CNDP2: variants seen among roughly 807,000 people sequenced by gnomAD.
The protein encoded by CNDP2 is cytosolic non-specific dipeptidase.
A neutral mutation model predicts 55.0 loss-of-function variants in CNDP2; 38 were observed. That is an observed-to-expected ratio of 0.69 (90% CI 0.53 to 0.90). The LOEUF is 0.90. Among genes scored for constraint, CNDP2 ranks in the 40% least tolerant of loss-of-function variants. The pLI, the probability that CNDP2 is intolerant of heterozygous loss-of-function variation, is 0.00. For synonymous variants in CNDP2, 241 were observed against 260.2 expected (o/e 0.93, Z 0.71); for missense variants, 607 against 621.7 (o/e 0.98, Z 0.25).
intron 1 of CNDP2, among the ~76,000 whole-genome samples, chr18:74,498,732 C>G (rs1374621937): frequency 6.6e-6 from 1 of 152,168 alleles, no homozygotes; most frequent in African/African-American, 2.4e-5. Context: ...TGCTCATGGG[C>G]TCCATCTTAC....
intron 4 of CNDP2, among the ~76,000 whole-genome samples, chr18:74,506,743 T>G (rs1322458741): frequency 6.6e-6 from 1 of 152,216 alleles, no homozygotes; most frequent in African/African-American, 2.4e-5. Flanking sequence ...ATTCACCAAG[T>G]GCTTCCGTGG....
In CNDP2 at chr18:74,518,637, A is replaced by G. The variant is rs147167524; in HGVS notation, c.1207A>G (p.Thr403Ala). 2.3e-4 allele frequency: 365 copies of G among 1,614,092 alleles called. 1 individual carries two copies. The highest frequency in any genetic ancestry group is 5.0e-4 in the Admixed American group (30 of 60,030). Residue 403 changes from threonine to alanine, a missense_variant, in exon 10 of 12, where the codon ACA (threonine) becomes GCA (alanine). Thr to Ala is a moderately conservative substitution (Grantham distance 58, BLOSUM62 0). Transcript: ENST00000324262. ...HYLAGRRAMK[T>A]VFGVEPDLTR... ...CCTGGCTGGGAGAAGAGCCATGAAGACAGGTTGGACGCTCTCCTTGTGGAT... is the reference window on the plus strand; with the variant it reads ...CCTGGCTGGGAGAAGAGCCATGAAGGCAGGTTGGACGCTCTCCTTGTGGAT...
intron 5 of CNDP2, chr18:74,509,184 C>T (rs184090449): frequency 3.4e-5 from 16 of 471,610 alleles, no homozygotes; most frequent in Non-Finnish European, 5.8e-5. Context: ...ATTTTTGCCA[C>T]CGCATGAAAT....
rs1422384674 is a variant in CNDP2 at position 74,519,876 on chromosome 18, G to A, written c.1359-123G>A. ...GGCAAGCAGGGCTCAGGGCCCCCAAGCTGGGATGGGGGATGCTCCCCAGGA... is the reference window on the plus strand; with the variant it reads ...GGCAAGCAGGGCTCAGGGCCCCCAAACTGGGATGGGGGATGCTCCCCAGGA... On this transcript the variant is annotated intron_variant, in intron 11 of 11. Coordinates refer to ENST00000324262, the MANE Select transcript of CNDP2 (RefSeq NM_018235.3). The A allele has an allele frequency of 4.9e-6, 4 of 810,818 alleles. No homozygotes were observed. The Admixed American group carries it at 7.1e-5, about 14-fold the overall frequency. 50.2% of individuals were successfully genotyped at this position (810,818 alleles called of 1,614,324 possible).
intron 7 of CNDP2, among the ~76,000 whole-genome samples, chr18:74,512,920 T>TC (rs1352665256): frequency 6.6e-6 from 1 of 152,126 alleles, no homozygotes; most frequent in Non-Finnish European, 1.5e-5. Flanking sequence ...CCCATCCAGG[T>TC]CCCCCCGCCT....
rs370820197 is a variant in CNDP2, at chr18:74,511,021, G to T, written c.657+8G>T. The T allele has an allele frequency of 2.6e-5, 42 of 1,610,738 alleles. No homozygotes were observed. Among genetic ancestry groups the T allele is most frequent in the Admixed American group, 3.3e-5 (2 of 59,906 alleles). ...TGCTACTTTTTCATCGAGGTACAGT[G>T]CCAAGCTGTACGGGTCACTTCTTTC... On this transcript the variant is annotated splice_region_variant and intron_variant, in intron 6 of 11. Coordinates refer to ENST00000324262, the MANE Select transcript of CNDP2 (RefSeq NM_018235.3).
intron 11 of CNDP2, 79 bp downstream of exon 11, chr18:74,519,175 A>C (rs780079869): frequency 1.0e-4 from 155 of 1,493,392 alleles, no homozygotes; most frequent in Non-Finnish European, 1.3e-4. Flanking sequence ...CCCCGTGTGC[A>C]GCTGCCAAGA....
intron 8 of CNDP2, 150 bp downstream of exon 8, chr18:74,513,869 T>C: frequency 1.3e-6 from 1 of 756,042 alleles, no homozygotes. Flanking sequence ...AAGCAGACTG[T>C]GACCAGGTTG....
Position 74,522,541 on chromosome 18 carries a change from C to T in CNDP2, c.*2473C>T, listed in dbSNP as rs1002903354. 5.3e-5 allele frequency: 8 copies of T among 152,274 alleles called. No homozygotes were observed. The highest frequency in any genetic ancestry group is 2.0e-4 in the Admixed American group (3 of 15,288). 9.4% of individuals were successfully genotyped at this position (152,274 alleles called of 1,614,324 possible). ...AGAGGCAGGGCCTTCAAGAGCTGGT[C>T]AGGCCATGAGGGCCCTGTCCTCCTG... is the stretch of plus-strand genomic sequence containing the variant. On this transcript the variant is annotated 3_prime_UTR_variant, in exon 12 of 12. Coordinates refer to ENST00000324262, the MANE Select transcript of CNDP2 (RefSeq NM_018235.3).
At chr18:74,500,136 G>A in intron 2 of CNDP2, 103 bp downstream of exon 2, 1 of 961,902 alleles carries the variant, frequency 1.0e-6, no homozygotes. Context: ...TTAAATCCAG[G>A]GTTAGAAGAT....
chr18:74,512,689 G>A (rs1979421506), intron 7 of CNDP2, among the ~76,000 whole-genome samples, 157 bp downstream of exon 7: 1 of 152,002 alleles, frequency 6.6e-6, no homozygotes, highest in Admixed American at 6.5e-5. Context: ...CCACTCACTT[G>A]TCCCTCTGAG....
chr18:74,502,756 A>G lies in CNDP2; in HGVS notation c.204+1284A>G, dbSNP rs968786290. Among the ~76,000 whole-genome samples, 4 of 152,134 alleles carry G rather than the reference A, an allele frequency of 2.6e-5. No homozygotes were observed. The East Asian group carries it at 7.7e-4, about 29-fold the overall frequency. Reference sequence around the variant, plus strand: ...CTTTGGCCTGATGATTTGGGTGTCAATCTGAAATCACAGCACTAGAAGCTT... The same window carrying G: ...CTTTGGCCTGATGATTTGGGTGTCAGTCTGAAATCACAGCACTAGAAGCTT... On this transcript the variant is annotated intron_variant, in intron 3 of 11. Transcript: ENST00000324262.
Position 74,501,322 on chromosome 18 carries a change from C to T in CNDP2, c.61-7C>T. 1 of 1,611,548 alleles carries T rather than the reference C, an allele frequency of 6.2e-7. No homozygotes were observed. The highest frequency in any genetic ancestry group is 2.2e-5 in the East Asian group (1 of 44,834). On this transcript the variant is annotated splice_polypyrimidine_tract_variant and splice_region_variant and intron_variant, in intron 2 of 11. Transcript: ENST00000324262. ...AGAATCCCTCGTTGCTTCTTGTCCA[C>T]AAACAGAAACTCGCAAAATGGGTGG...
chr18:74,501,403 G>A lies in CNDP2; in HGVS notation c.135G>A (p.Met45Ile), dbSNP rs1599059364. ...AGAGAGGCGAAATCAGGAGGATGAT[G>A]GAAGTTGCTGCTGCAGATGTTAAGC... Reference protein sequence around the residue: ...PEKRGEIRRMMEVAAADVKQL... With the variant: ...PEKRGEIRRMIEVAAADVKQL... Residue 45 changes from methionine to isoleucine, a missense_variant, in exon 3 of 12, where the codon ATG (methionine) becomes ATA (isoleucine). Met to Ile is a conservative substitution (Grantham distance 10, BLOSUM62 1). Coordinates refer to ENST00000324262, the MANE Select transcript of CNDP2 (RefSeq NM_018235.3). 5 of 1,614,174 alleles carry A rather than the reference G, an allele frequency of 3.1e-6. No homozygotes were observed. The East Asian group carries it at 1.1e-4, about 36-fold the overall frequency.
intron 9 of CNDP2, 26 bp from the exon 10 acceptor site, chr18:74,518,473 A>G (rs1307464420): frequency 1.2e-6 from 2 of 1,613,978 alleles, no homozygotes; most frequent in Admixed American, 1.7e-5. Flanking sequence ...AAAGCATTGT[A>G]TACCTCTATT....
At position 74,506,028 on chromosome 18, in the gene CNDP2, T is replaced by C. The variant is rs758433500; in HGVS notation, c.367+17T>C. 6.5e-7 allele frequency: 1 copy of C among 1,548,226 alleles called. No individual in the cohort carries two copies. Among genetic ancestry groups the C allele is most frequent in the East Asian group, 2.3e-5 (1 of 43,176 alleles). ...AGCGAGACGGTGAGCGCCGCGCGCC[T>C]ATGCGTGCCCAGAGGAAAGGCACTG... On this transcript the variant is annotated intron_variant, in intron 4 of 11. Coordinates refer to ENST00000324262, the MANE Select transcript of CNDP2 (RefSeq NM_018235.3).
intron 9 of CNDP2, chr18:74,518,126 TGGC>T (rs535622935): frequency 6.3e-6 from 1 of 159,228 alleles, no homozygotes; most frequent in African/African-American, 2.4e-5. Flanking sequence ...CCGGGTGTGG[TGGC>T]GGGCGCCTGT....
chr18:74,504,051 G>A (rs1233798504), intron 3 of CNDP2, among the ~76,000 whole-genome samples: 9 of 143,826 alleles, frequency 6.3e-5, no homozygotes, highest in African/African-American at 1.8e-4. Flanking sequence ...AATGATGGGC[G>A]TCAGGCCATA....
chr18:74,518,238 G>A (rs1375452796), intron 9 of CNDP2: 6 of 286,644 alleles, frequency 2.1e-5, no homozygotes, highest in Non-Finnish European at 4.0e-5. Context: ...CTCCAGCCTG[G>A]ACAACAGAGC....
Sources: gnomAD v4.1 joint callset for allele counts (sites outside exome capture counted in the v4.1 genomes callset) on GRCh38, gnomAD v4.1.1 for gene constraint, MANE v1.5 for transcripts, NCBI Gene and HGNC (gene_info 2026-07-23, HGNC 2026-07-21) for gene names.